The following TAFA5 variants were observed in gnomAD, a reference collection of about 807,000 sequenced individuals.
TAFA5 encodes chemokine-like protein TAFA-5.
In TAFA5, 6 loss-of-function variants were observed where a neutral mutation model predicts 15.3. The observed-to-expected ratio is 0.39, with a 90% CI of 0.21 to 0.77. TAFA5 has a LOEUF of 0.77. Among genes scored for constraint, TAFA5 ranks in the 30% least tolerant of loss-of-function variants. The probability of loss-of-function intolerance (pLI) is 0.41; values close to 1 mark genes in which losing one functional copy is unlikely to be tolerated. For missense variants in TAFA5, 161 were observed against 193.1 expected (o/e 0.83, Z 0.98); for synonymous variants, 103 against 80.7 (o/e 1.28, Z -1.48).
At chr22:48,547,829 G>C (rs1156796913) in intron 1 of TAFA5, among the ~76,000 whole-genome samples, 1 of 152,182 alleles carries the variant, frequency 6.6e-6, no homozygotes, top group African/African-American at 2.4e-5. Flanking sequence ...TGAGTTTGAC[G>C]ACTGCCGCTG....
chr22:48,520,552 G>A (rs1053482257), intron 1 of TAFA5, among the ~76,000 whole-genome samples: 1 of 152,226 alleles, frequency 6.6e-6, no homozygotes, highest in African/African-American at 2.4e-5. Context: ...CAGTGCCTTT[G>A]TTGGGGATGG....
intron 2 of TAFA5, among the ~76,000 whole-genome samples, chr22:48,692,504 T>C (rs1047021368): frequency 1.3e-5 from 2 of 152,220 alleles, no homozygotes; most frequent in African/African-American, 4.8e-5. Context: ...GTTCAAGTGA[T>C]CCTCCTGCCT....
At chr22:48,677,439 T>A (rs1341202545) in intron 2 of TAFA5, among the ~76,000 whole-genome samples, 2 of 152,226 alleles carry the variant, frequency 1.3e-5, no homozygotes, top group Admixed American at 1.3e-4. Context: ...GTATCCAGGC[T>A]GTAGTGACCT....
intron 2 of TAFA5, among the ~76,000 whole-genome samples, chr22:48,683,264 A>G (rs1928252250): frequency 1.3e-5 from 2 of 152,100 alleles, no homozygotes; most frequent in Admixed American, 1.3e-4. Context: ...CGTAATAAAG[A>G]CTTTCTTCAA....
intron 2 of TAFA5, among the ~76,000 whole-genome samples, chr22:48,683,165 C>G (rs1460283686): frequency 6.6e-6 from 1 of 152,164 alleles, no homozygotes; most frequent in Admixed American, 6.5e-5. Flanking sequence ...AGACACGGCT[C>G]TCTTGGTAAA....
At position 48,713,759 on chromosome 22, in the gene TAFA5, C is replaced by A. The variant is rs189541758; in HGVS notation, c.390+5915C>A. On this transcript the variant is annotated intron_variant, in intron 3 of 3. Coordinates refer to ENST00000402357, the MANE Select transcript of TAFA5 (RefSeq NM_001082967.3). ...TGGATGGCTTGCCTTGTCCAGGCCA[C>A]CAGGATCCTTGCCCCTGAGCTTCCT... Among the ~76,000 whole-genome samples the A allele has an allele frequency of 8.5e-5, 13 of 152,356 alleles. No homozygotes were observed. In the East Asian group the frequency reaches 2.5e-3, roughly 29 times the overall value.
At chr22:48,545,277 G>T in intron 1 of TAFA5, 1 of 250,978 alleles carries the variant, frequency 4.0e-6, no homozygotes. Context: ...GAATTCCCTG[G>T]CACAGTGTTC....
At chr22:48,614,976 G>A (rs973989493) in intron 1 of TAFA5, among the ~76,000 whole-genome samples, 1 of 152,186 alleles carries the variant, frequency 6.6e-6, no homozygotes, top group Non-Finnish European at 1.5e-5. Flanking sequence ...GCCACGCACT[G>A]TAAGAACTCA....
chr22:48,726,360 G>A (rs115355346), intron 3 of TAFA5, among the ~76,000 whole-genome samples: 143 of 152,286 alleles, frequency 9.4e-4, no homozygotes, highest in African/African-American at 3.2e-3. Flanking sequence ...GAGGTGGGGG[G>A]CACTTACATA....
intron 1 of TAFA5, among the ~76,000 whole-genome samples, chr22:48,624,907 C>T (rs1450909211): frequency 2.6e-5 from 4 of 152,128 alleles, no homozygotes; most frequent in East Asian, 1.9e-4. Context: ...CAAGACCGGC[C>T]TGGCCAACGT....
intron 1 of TAFA5, among the ~76,000 whole-genome samples, chr22:48,557,683 C>T (rs978457959): frequency 6.6e-6 from 1 of 152,224 alleles, no homozygotes; most frequent in Non-Finnish European, 1.5e-5. Flanking sequence ...CACGGCCACT[C>T]GCAGGTGGGA....
chr22:48,694,790 ACCGCTCCAGACCTCCGCCCCCACCCGCCG>A (rs1928653481), intron 2 of TAFA5, among the ~76,000 whole-genome samples: 1 of 36,336 alleles, frequency 2.8e-5, no homozygotes, highest in African/African-American at 1.1e-4. Context: ...CCCACCCCCC[ACCGCTCCAGACCTCCGCCCCCACCCGCCG>A]CCGCTCCGAC....
intron 1 of TAFA5, among the ~76,000 whole-genome samples, chr22:48,493,021 C>T (rs545463292): frequency 9.2e-5 from 14 of 152,252 alleles, no homozygotes; most frequent in South Asian, 2.1e-4. Context: ...CTGTGCCCGC[C>T]GCTGAAGATG....
In TAFA5 at chr22:48,673,757, G is replaced by T. The variant is rs74847497; in HGVS notation, c.262+27011G>T. On this transcript the variant is annotated intron_variant, in intron 2 of 3. Coordinates refer to ENST00000402357, the MANE Select transcript of TAFA5 (RefSeq NM_001082967.3). ...GGAAGGTGAAGGTGCATGGGGCCAGGTTATTTTTGGCTCTGATGTCCACTC... is the reference window on the plus strand; with the variant it reads ...GGAAGGTGAAGGTGCATGGGGCCAGTTTATTTTTGGCTCTGATGTCCACTC... 9.9e-3 allele frequency among the ~76,000 whole-genome samples: 1,515 copies of T among 152,312 alleles called. 27 individuals carry two copies. The highest frequency in any genetic ancestry group is 0.035 in the African/African-American group (1,448 of 41,558).
intron 1 of TAFA5, among the ~76,000 whole-genome samples, chr22:48,623,080 T>C (rs571352230): frequency 1.6e-4 from 25 of 152,300 alleles, no homozygotes; most frequent in Non-Finnish European, 2.6e-4. Flanking sequence ...CCTGCAGCAA[T>C]GTGTTCTGTG....
intron 1 of TAFA5, among the ~76,000 whole-genome samples, chr22:48,556,550 T>G (rs1012694471): frequency 5.9e-5 from 9 of 152,226 alleles, no homozygotes; most frequent in African/African-American, 2.2e-4. Context: ...GGAAGACCTT[T>G]GATTTTTGAA....
intron 1 of TAFA5, among the ~76,000 whole-genome samples, chr22:48,638,355 A>AC (rs139377541): frequency 2.1e-4 from 12 of 57,052 alleles, no homozygotes; most frequent in Non-Finnish European, 2.7e-4. Context: ...AGGCAATACC[A>AC]CCCCCCCCCC....
At chr22:48,732,588 G>T (rs1251082311) in intron 3 of TAFA5, among the ~76,000 whole-genome samples, 6 of 152,152 alleles carry the variant, frequency 3.9e-5, no homozygotes, top group African/African-American at 1.4e-4. Context: ...ATCTGCCCCT[G>T]GTGAAGATGC....
At chr22:48,533,834 T>C (rs1414822586) in intron 1 of TAFA5, among the ~76,000 whole-genome samples, 1 of 152,072 alleles carries the variant, frequency 6.6e-6, no homozygotes, top group Admixed American at 6.5e-5. Flanking sequence ...TCCAGAAATA[T>C]GAGAAAATGG....
Sources: gnomAD v4.1 joint callset for allele counts (sites outside exome capture counted in the v4.1 genomes callset) on GRCh38, gnomAD v4.1.1 for gene constraint, MANE v1.5 for transcripts, NCBI Gene and HGNC (gene_info 2026-07-23, HGNC 2026-07-21) for gene names.